Variants in RIMS2 observed in about 807,000 individuals in gnomAD.
The protein encoded by RIMS2 is regulating synaptic membrane exocytosis protein 2.
In RIMS2, 59 loss-of-function variants were observed where a neutral mutation model predicts 174.4. The observed-to-expected ratio is 0.34, with a 90% CI of 0.27 to 0.42. RIMS2 has a LOEUF of 0.42. Among genes scored for constraint, RIMS2 ranks in the 10% least tolerant of loss-of-function variants. The pLI, the probability that RIMS2 is intolerant of heterozygous loss-of-function variation, is 1.00. For synonymous variants in RIMS2, 606 were observed against 572.5 expected (o/e 1.06, Z -0.84); for missense variants, 1,620 against 1,666.3 (o/e 0.97, Z 0.48).
At chr8:103,812,553 T>G (rs1232863884) in intron 3 of RIMS2, among the ~76,000 whole-genome samples, 1 of 152,116 alleles carries the variant, frequency 6.6e-6, no homozygotes, top group South Asian at 2.1e-4. Context: ...GGCTAATTTT[T>G]GTATTTTTAG....
At chr8:104,083,269 A>C (rs914675491) in intron 19 of RIMS2, among the ~76,000 whole-genome samples, 1 of 152,140 alleles carries the variant, frequency 6.6e-6, no homozygotes, top group African/African-American at 2.4e-5. Context: ...AAGTTACGCT[A>C]TTACCTTCTA....
intron 17 of RIMS2, among the ~76,000 whole-genome samples, chr8:103,996,856 T>C (rs1230109701): frequency 6.6e-6 from 1 of 151,904 alleles, no homozygotes; most frequent in East Asian, 1.9e-4. Context: ...AATGGAGTAC[T>C]CGGCATATAG....
At chr8:104,007,071 C>T (rs1040439652) in intron 17 of RIMS2, among the ~76,000 whole-genome samples, 3 of 152,074 alleles carry the variant, frequency 2.0e-5, no homozygotes, top group African/African-American at 7.2e-5. Context: ...TTCATTCAAG[C>T]TTCTATAAGC....
intron 4 of RIMS2, among the ~76,000 whole-genome samples, chr8:103,888,730 T>C (rs184637743): frequency 1.3e-5 from 2 of 151,760 alleles, no homozygotes; most frequent in Admixed American, 6.6e-5. Context: ...ATGAGTTAAA[T>C]TAAAATCCTA....
chr8:103,985,753 A>G (rs2094313887), intron 16 of RIMS2, among the ~76,000 whole-genome samples: 1 of 152,202 alleles, frequency 6.6e-6, no homozygotes, highest in Admixed American at 6.5e-5. Context: ...GGTAATAAAA[A>G]TGTAAATATA....
At chr8:103,870,073 G>C (rs73293839) in intron 3 of RIMS2, among the ~76,000 whole-genome samples, 4,679 of 151,424 alleles carry the variant, frequency 0.031, 222 homozygotes, top group African/African-American at 0.11. Context: ...TGTACTAGGG[G>C]GTATCAGAGC....
intron 14 of RIMS2, among the ~76,000 whole-genome samples, chr8:103,949,908 A>C (rs934639369): frequency 6.6e-6 from 1 of 152,176 alleles, no homozygotes; most frequent in Non-Finnish European, 1.5e-5. Flanking sequence ...CAGCAAAGAA[A>C]GAAGACAAAT....
chr8:103,578,330 G>A (rs2093386678), intron 1 of RIMS2, among the ~76,000 whole-genome samples: 1 of 152,114 alleles, frequency 6.6e-6, no homozygotes, highest in Admixed American at 6.5e-5. Context: ...AGGAGTTCAA[G>A]ATCAGACAGC....
chr8:103,830,069 C>T (rs1480256524), intron 3 of RIMS2, among the ~76,000 whole-genome samples: 1 of 151,882 alleles, frequency 6.6e-6, no homozygotes, highest in African/African-American at 2.4e-5. Flanking sequence ...TTGTTAATAT[C>T]TATGGATCTA....
chr8:103,950,058 T>C (rs1189122379), intron 14 of RIMS2, among the ~76,000 whole-genome samples: 1 of 152,074 alleles, frequency 6.6e-6, no homozygotes. Context: ...ACACACAAAC[T>C]TGAGTCTCTC....
chr8:103,518,255 A>G (rs545403882), intron 1 of RIMS2, among the ~76,000 whole-genome samples: 2 of 152,254 alleles, frequency 1.3e-5, no homozygotes, highest in African/African-American at 2.4e-5. Context: ...TAAATAATTT[A>G]TGCTATAACT....
At chr8:104,095,379 A>G (rs1158271447) in intron 19 of RIMS2, among the ~76,000 whole-genome samples, 2 of 152,186 alleles carry the variant, frequency 1.3e-5, no homozygotes, top group Admixed American at 1.3e-4. Flanking sequence ...CTTAGGGTTT[A>G]TTAGAAGGCA....
chr8:103,695,291 G>A (rs770869736), intron 1 of RIMS2, among the ~76,000 whole-genome samples: 11 of 152,166 alleles, frequency 7.2e-5, no homozygotes, highest in Non-Finnish European at 1.3e-4. Flanking sequence ...TGTTTCTGCT[G>A]AGGGACAAAT....
intron 19 of RIMS2, among the ~76,000 whole-genome samples, chr8:104,066,359 C>A (rs191978154): frequency 6.6e-6 from 1 of 150,824 alleles, no homozygotes; most frequent in African/African-American, 2.4e-5. Context: ...CCTGTTTCTA[C>A]GTATATATTT....
intron 4 of RIMS2, among the ~76,000 whole-genome samples, chr8:103,900,591 A>G (rs2099322996): frequency 1.3e-5 from 2 of 152,100 alleles, no homozygotes; most frequent in South Asian, 4.1e-4. Context: ...CCAGGACTCA[A>G]TTTATTACTT....
At chr8:103,744,428 T>G (rs2097788594) in intron 2 of RIMS2, among the ~76,000 whole-genome samples, 1 of 152,232 alleles carries the variant, frequency 6.6e-6, no homozygotes, top group Non-Finnish European at 1.5e-5. Context: ...TTATCTTGTG[T>G]CAAAATTATA....
intron 3 of RIMS2, among the ~76,000 whole-genome samples, chr8:103,857,403 T>A (rs1015865891): frequency 2.6e-5 from 4 of 152,138 alleles, no homozygotes; most frequent in Non-Finnish European, 5.9e-5. Flanking sequence ...AGCTATTTGT[T>A]CATATATATT....
intron 19 of RIMS2, 29 bp downstream of exon 25, chr8:104,148,877 G>A: frequency 1.9e-6 from 3 of 1,587,318 alleles, no homozygotes; most frequent in Non-Finnish European, 2.6e-6. Context: ...CTTTTAACTT[G>A]ATATTTGAGT....
At chr8:103,773,781 T>C (rs2098279647) in intron 3 of RIMS2, among the ~76,000 whole-genome samples, 1 of 151,950 alleles carries the variant, frequency 6.6e-6, no homozygotes, top group Non-Finnish European at 1.5e-5. Flanking sequence ...CCACTAGAAA[T>C]CCTACGATTT....
Sources: allele counts gnomAD v4.1 joint callset (sites outside exome capture counted in the v4.1 genomes callset), GRCh38; gene constraint gnomAD v4.1.1; transcripts MANE v1.5; gene names NCBI Gene and HGNC (gene_info 2026-07-23, HGNC 2026-07-21).